LRMDA: variants seen among roughly 807,000 people sequenced by gnomAD.
LRMDA encodes leucine rich melanocyte differentiation associated.
Under a neutral mutation model 29.8 loss-of-function variants are expected in LRMDA, and 18 were observed. The ratio of observed to expected loss-of-function variants is 0.60; its 90% confidence interval spans 0.42 to 0.90. The LOEUF (loss-of-function observed/expected upper bound fraction) is 0.90. LRMDA is among the 40% of genes least tolerant of loss of function. The pLI, the probability that LRMDA is intolerant of heterozygous loss-of-function variation, is 0.00. For missense variants in LRMDA, 273 were observed against 273.9 expected, an observed-to-expected ratio of 1.00 and a Z score of 0.02; for synonymous variants, 125 against 109.4, an observed-to-expected ratio of 1.14 and a Z score of -0.89.
chr10:75,805,484 G>C (rs1843835548), intron 2 of LRMDA, among the ~76,000 whole-genome samples: 1 of 152,206 alleles, frequency 6.6e-6, no homozygotes, highest in Admixed American at 6.5e-5. Context: ...GACATTTCCA[G>C]GCACCTGAGT....
intron 5 of LRMDA, among the ~76,000 whole-genome samples, chr10:76,162,727 G>A (rs531291094): frequency 3.8e-4 from 58 of 152,212 alleles, no homozygotes; most frequent in African/African-American, 1.2e-3. Flanking sequence ...CTCCCACCAG[G>A]CCCCACCTCT....
At position 75,833,563 on chromosome 10, in the gene LRMDA, A is replaced by G. The variant is rs1272152254; in HGVS notation, c.132-202445A>G. On this transcript the variant is annotated intron_variant, in intron 2 of 6. Coordinates refer to ENST00000611255, the MANE Select transcript of LRMDA (RefSeq NM_001305581.2). ...TTCTGTCCCTCCAAAATTCACATCA[A>G]TCCTACGTGAAGTATACATTCACCC... Among the ~76,000 whole-genome samples the G allele has an allele frequency of 4.6e-5, 7 of 152,158 alleles. No individual in the cohort carries two copies. The South Asian group carries it at 6.2e-4, about 14-fold the overall frequency.
rs186254083 is a variant in LRMDA at position 76,024,442 on chromosome 10, A to C, written c.132-11566A>C. Among the ~76,000 whole-genome samples, 577 of 152,348 alleles carry C rather than the reference A, an allele frequency of 3.8e-3. 2 individuals carry two copies. Among genetic ancestry groups the C allele is most frequent in the Non-Finnish European group, 5.8e-3 (395 of 68,032 alleles). ...TTTTGTGAACCATAGAGCTAGAGCT[A>C]TTCTGGAAGAAAGAAAATGGCTCCG... On this transcript the variant is annotated intron_variant, in intron 2 of 6. Transcript: ENST00000611255.
intron 5 of LRMDA, among the ~76,000 whole-genome samples, chr10:76,059,753 C>T (rs1262436247): frequency 6.6e-6 from 1 of 152,234 alleles, no homozygotes; most frequent in Admixed American, 6.5e-5. Flanking sequence ...AACAATGAAA[C>T]ATCTTCCATC....
intron 5 of LRMDA, among the ~76,000 whole-genome samples, chr10:76,127,959 TA>T (rs990841844): frequency 1.9e-4 from 28 of 150,956 alleles, no homozygotes; most frequent in African/African-American, 6.1e-4. Flanking sequence ...TTAACCAACT[TA>T]AAAAAAAACA....
intron 5 of LRMDA, among the ~76,000 whole-genome samples, chr10:76,066,036 A>G (rs750175276): frequency 2.6e-5 from 4 of 152,222 alleles, no homozygotes; most frequent in African/African-American, 7.2e-5. Context: ...GTAATAAGCC[A>G]CTAAGATTTT....
chr10:75,997,433 C>T (rs1228934079), intron 2 of LRMDA, among the ~76,000 whole-genome samples: 10 of 149,730 alleles, frequency 6.7e-5, no homozygotes, highest in East Asian at 3.9e-4. Flanking sequence ...TTATTCTACT[C>T]GGTATCATGA....
intron 2 of LRMDA, among the ~76,000 whole-genome samples, chr10:75,689,403 A>T (rs1017050039): frequency 6.6e-6 from 1 of 152,170 alleles, no homozygotes; most frequent in Non-Finnish European, 1.5e-5. Context: ...GGCTGACCTG[A>T]TTATTCTCTA....
chr10:75,874,190 A>G (rs1213909437), intron 2 of LRMDA, among the ~76,000 whole-genome samples: 3 of 152,220 alleles, frequency 2.0e-5, no homozygotes, highest in African/African-American at 7.2e-5. Flanking sequence ...TTAATTAAGT[A>G]AAAGTCGGGG....
chr10:76,514,714 T>C (rs1213802731), intron 6 of LRMDA, among the ~76,000 whole-genome samples: 1 of 152,056 alleles, frequency 6.6e-6, no homozygotes, highest in East Asian at 1.9e-4. Flanking sequence ...GGGGGAAAAG[T>C]GAAGGAGTGC....
intron 5 of LRMDA, among the ~76,000 whole-genome samples, chr10:76,258,522 T>C (rs1250218783): frequency 6.6e-6 from 1 of 152,202 alleles, no homozygotes; most frequent in Non-Finnish European, 1.5e-5. Flanking sequence ...TTAACTGTAA[T>C]CATCCTACAA....
intron 2 of LRMDA, among the ~76,000 whole-genome samples, chr10:75,600,208 C>T (rs1182009394): frequency 2.6e-5 from 4 of 152,164 alleles, no homozygotes; most frequent in African/African-American, 9.7e-5. Context: ...TCTGCTTGGC[C>T]TCAGGCTCCT....
chr10:76,015,145 G>A (rs933202456), intron 2 of LRMDA, among the ~76,000 whole-genome samples: 1 of 152,220 alleles, frequency 6.6e-6, no homozygotes, highest in South Asian at 2.1e-4. Context: ...AGATGCCCCG[G>A]CACTTTGCCA....
chr10:75,970,225 G>T (rs1846942490), intron 2 of LRMDA, among the ~76,000 whole-genome samples: 1 of 152,186 alleles, frequency 6.6e-6, no homozygotes, highest in Admixed American at 6.5e-5. Context: ...TTGAGCTCTG[G>T]CCTGACCAAC....
intron 2 of LRMDA, among the ~76,000 whole-genome samples, chr10:76,009,227 C>T (rs529119840): frequency 6.6e-6 from 1 of 152,270 alleles, no homozygotes; most frequent in Admixed American, 6.5e-5. Flanking sequence ...CCCACTAGCC[C>T]CCTCCCCACC....
At chr10:75,620,491 C>A (rs937809486) in intron 2 of LRMDA, among the ~76,000 whole-genome samples, 1 of 152,142 alleles carries the variant, frequency 6.6e-6, no homozygotes, top group South Asian at 2.1e-4. Context: ...AGTATTATTT[C>A]ATGTGCCCTA....
rs540298357 is a variant in LRMDA at position 76,074,375 on chromosome 10, A to G, written c.516+15592A>G. On this transcript the variant is annotated intron_variant, in intron 5 of 6. Coordinates refer to ENST00000611255, the MANE Select transcript of LRMDA (RefSeq NM_001305581.2). ...CTTAGCTTTGGAGTGGAAGGTTCCT[A>G]TTAACATCTACCTCCTTCTTGTGCA... 1.3e-4 allele frequency among the ~76,000 whole-genome samples: 20 copies of G among 152,286 alleles called. No homozygotes were observed. The South Asian group carries it at 3.7e-3, about 28-fold the overall frequency.
chr10:76,509,822 C>T (rs1842992190), intron 6 of LRMDA, among the ~76,000 whole-genome samples: 1 of 152,090 alleles, frequency 6.6e-6, no homozygotes, highest in Admixed American at 6.5e-5. Context: ...GCTTAAGCCA[C>T]AATGAGTGAA....
chr10:75,455,418 A>G (rs7096727), intron 2 of LRMDA, among the ~76,000 whole-genome samples: 68,122 of 152,064 alleles, frequency 0.45, 16,161 homozygotes, highest in East Asian at 0.55. Flanking sequence ...GAAAGCTCAC[A>G]TGCTCAATGT....
Sources: gnomAD v4.1 joint callset for allele counts (sites outside exome capture counted in the v4.1 genomes callset) on GRCh38, gnomAD v4.1.1 for gene constraint, MANE v1.5 for transcripts, NCBI Gene and HGNC (gene_info 2026-07-23, HGNC 2026-07-21) for gene names.